MTUS2: variants seen among roughly 807,000 people sequenced by gnomAD.
MTUS2 encodes microtubule-associated tumor suppressor candidate 2.
A neutral mutation model predicts 114.1 loss-of-function variants in MTUS2; 40 were observed. The ratio of observed to expected loss-of-function variants is 0.35; its 90% confidence interval spans 0.27 to 0.46. The LOEUF (loss-of-function observed/expected upper bound fraction) is 0.46. Among genes scored for constraint, MTUS2 ranks in the 20% least tolerant of loss-of-function variants. The pLI, the probability that MTUS2 is intolerant of heterozygous loss-of-function variation, is 1.00. For missense variants in MTUS2, 1,679 were observed against 1,705.4 expected (o/e 0.98, Z 0.27); for synonymous variants, 688 against 672.0 (o/e 1.02, Z -0.37).
chr13:28,966,449 C>T (rs897472550), intron 2 of MTUS2, among the ~76,000 whole-genome samples: 3 of 152,106 alleles, frequency 2.0e-5, no homozygotes, highest in African/African-American at 7.2e-5. Flanking sequence ...CGGCTGGGTG[C>T]AATGGGTCAC....
rs1032360270 is a variant in MTUS2, at chr13:29,102,289, TAG to T, written c.2644+1323_2644+1324del. On this transcript the variant is annotated intron_variant, in intron 5 of 15. Transcript: ENST00000612955. Reference sequence around the variant, plus strand: ...AATTCCTGATGACGTGTTTCTTTTTTAGAGAAAGTAGTATGAAGGAAAAACTT... The same window carrying T: ...AATTCCTGATGACGTGTTTCTTTTTTAGAAAGTAGTATGAAGGAAAAACTT... Among the ~76,000 whole-genome samples, 22 of 152,322 alleles carry T rather than the reference TAG, an allele frequency of 1.4e-4. 1 individual carries two copies. The highest frequency in any genetic ancestry group is 5.3e-4 in the African/African-American group (22 of 41,570).
chr13:28,934,586 C>T (rs1881790452), intron 2 of MTUS2, among the ~76,000 whole-genome samples: 1 of 152,102 alleles, frequency 6.6e-6, no homozygotes, highest in African/African-American at 2.4e-5. Flanking sequence ...TGCAGTGGTG[C>T]AATCTCAGAT....
intron 5 of MTUS2, among the ~76,000 whole-genome samples, chr13:29,183,989 T>A (rs1005863152): frequency 7.2e-5 from 11 of 152,216 alleles, no homozygotes; most frequent in Non-Finnish European, 1.6e-4. Flanking sequence ...CCTATTTACT[T>A]ACCATCTAGA....
intron 8 of MTUS2, among the ~76,000 whole-genome samples, chr13:29,390,589 G>C (rs1873358930): frequency 6.6e-6 from 1 of 150,748 alleles, no homozygotes; most frequent in Non-Finnish European, 1.5e-5. Context: ...GGAGGCAGAA[G>C]CTGAGTGAGC....
At chr13:29,270,666 G>A (rs893641593) in intron 5 of MTUS2, among the ~76,000 whole-genome samples, 23 of 152,254 alleles carry the variant, frequency 1.5e-4, no homozygotes, top group African/African-American at 5.3e-4. Context: ...CATGCCCCGA[G>A]CATGAGCACA....
chr13:28,935,112 C>G (rs1881833494), intron 2 of MTUS2, among the ~76,000 whole-genome samples: 1 of 141,032 alleles, frequency 7.1e-6, no homozygotes, highest in African/African-American at 2.7e-5. Context: ...TGTACACTGT[C>G]ACTTCAGCAC....
At chr13:29,249,797 G>T (rs1280790190) in intron 5 of MTUS2, among the ~76,000 whole-genome samples, 1 of 152,086 alleles carries the variant, frequency 6.6e-6, no homozygotes, top group African/African-American at 2.4e-5. Context: ...TTTAATAAAT[G>T]GTTCTGGGAA....
chr13:29,027,509 T>C (rs1886611589), intron 3 of MTUS2, among the ~76,000 whole-genome samples: 1 of 152,204 alleles, frequency 6.6e-6, no homozygotes. Context: ...AGTAATTCCC[T>C]GAGGGTTGGT....
In MTUS2 at chr13:29,428,905, C is replaced by T. The variant is rs772257152; in HGVS notation, c.3118-11078C>T. ...AGTGCCTGGACAAGACGGTACTTTG[C>T]CTTCCCTCTCTCTTCTTCCCCCTCC... On this transcript the variant is annotated intron_variant, in intron 8 of 15. Transcript: ENST00000612955. 5 of 1,613,194 alleles carry T rather than the reference C, an allele frequency of 3.1e-6. No individual in the cohort carries two copies. In the East Asian group the frequency reaches 8.9e-5, roughly 29 times the overall value.
At chr13:29,375,892 T>C (rs1250752438) in intron 8 of MTUS2, among the ~76,000 whole-genome samples, 1 of 151,574 alleles carries the variant, frequency 6.6e-6, no homozygotes, top group African/African-American at 2.4e-5. Context: ...TTGGGTACAA[T>C]GTACACTACT....
At chr13:29,280,321 A>G (rs900964039) in intron 5 of MTUS2, among the ~76,000 whole-genome samples, 8 of 152,234 alleles carry the variant, frequency 5.3e-5, no homozygotes, top group African/African-American at 1.2e-4. Context: ...TGTTAGTCCT[A>G]TGCAGAACTA....
chr13:29,363,806 G>A (rs1456509020), intron 8 of MTUS2, among the ~76,000 whole-genome samples: 3 of 152,178 alleles, frequency 2.0e-5, no homozygotes, highest in Non-Finnish European at 2.9e-5. Context: ...ATTCAAAAAA[G>A]TAAGAGGCAG....
At chr13:29,286,838 G>C (rs557239883) in intron 6 of MTUS2, among the ~76,000 whole-genome samples, 1 of 152,248 alleles carries the variant, frequency 6.6e-6, no homozygotes, top group East Asian at 1.9e-4. Context: ...TTACAGGCGT[G>C]TACCACCACA....
intron 7 of MTUS2, among the ~76,000 whole-genome samples, chr13:29,344,857 A>G (rs1302833136): frequency 6.6e-6 from 1 of 152,138 alleles, no homozygotes; most frequent in African/African-American, 2.4e-5. Flanking sequence ...CTGGCCTGGT[A>G]GTGGCAAATT....
chr13:28,953,521 T>A (rs1882913316), intron 2 of MTUS2, among the ~76,000 whole-genome samples: 1 of 152,232 alleles, frequency 6.6e-6, no homozygotes, highest in African/African-American at 2.4e-5. Flanking sequence ...AAAGCTCTAT[T>A]GATATCAGCA....
chr13:29,173,550 C>A (rs187403579), intron 5 of MTUS2, among the ~76,000 whole-genome samples: 1 of 152,240 alleles, frequency 6.6e-6, no homozygotes, highest in East Asian at 1.9e-4. Flanking sequence ...GAAGGGTTTA[C>A]TAATTCAAGA....
chr13:28,884,954 G>A (rs932917435), intron 2 of MTUS2, among the ~76,000 whole-genome samples: 9 of 151,522 alleles, frequency 5.9e-5, no homozygotes, highest in East Asian at 5.8e-4. Flanking sequence ...TTTTGTCAGC[G>A]TCCTCACCTG....
At chr13:29,410,996 T>C (rs1031560964) in intron 8 of MTUS2, among the ~76,000 whole-genome samples, 1 of 152,124 alleles carries the variant, frequency 6.6e-6, no homozygotes, top group East Asian at 1.9e-4. Context: ...CACACCCGGC[T>C]AATTTTTGTA....
chr13:29,389,399 A>ATGTATACACGTGGGTGTATG (rs1555272437), intron 8 of MTUS2, among the ~76,000 whole-genome samples: 1 of 67,982 alleles, frequency 1.5e-5, no homozygotes, highest in Non-Finnish European at 2.8e-5. Context: ...GTGTGTGTAT[A>ATGTATACACGTGGGTGTATG]TATGTATACA....
Sources: allele counts gnomAD v4.1 joint callset (sites outside exome capture counted in the v4.1 genomes callset), GRCh38; gene constraint gnomAD v4.1.1; transcripts MANE v1.5; gene names NCBI Gene and HGNC (gene_info 2026-07-23, HGNC 2026-07-21).